The following LRP1B variants were observed in gnomAD, a reference collection of about 807,000 sequenced individuals.
LRP1B encodes low-density lipoprotein receptor-related protein 1B.
LRP1B carries 217 observed loss-of-function variants against 556.6 expected under a neutral mutation model. The observed-to-expected ratio is 0.39, with a 90% CI of 0.35 to 0.44. LRP1B has a LOEUF of 0.44. LRP1B is among the 20% of genes least tolerant of loss of function. The probability of loss-of-function intolerance (pLI) is 1.00; values close to 1 mark genes in which losing one functional copy is unlikely to be tolerated. For missense variants in LRP1B, 5,053 were observed against 5,620.8 expected (o/e 0.90, Z 3.23); for synonymous variants, 2,047 against 1,865.8 (o/e 1.10, Z -2.50).
intron 35 of LRP1B, among the ~76,000 whole-genome samples, chr2:140,735,592 A>G (rs1167855402): frequency 6.6e-6 from 1 of 152,126 alleles, no homozygotes; most frequent in Non-Finnish European, 1.5e-5. Flanking sequence ...ATCTGGATGT[A>G]TGTCTTTGAG....
intron 2 of LRP1B, among the ~76,000 whole-genome samples, chr2:141,629,820 T>C (rs1408275103): frequency 1.3e-5 from 2 of 152,126 alleles, no homozygotes; most frequent in Admixed American, 6.6e-5. Flanking sequence ...TTTCTTCTTA[T>C]AGACAATCCA....
At chr2:141,763,762 A>T (rs1363665535) in intron 2 of LRP1B, among the ~76,000 whole-genome samples, 1 of 152,210 alleles carries the variant, frequency 6.6e-6, no homozygotes, top group Non-Finnish European at 1.5e-5. Flanking sequence ...TTGCAAAAGT[A>T]ACATTTTAAA....
chr2:141,015,588 C>T (rs2105388553), intron 13 of LRP1B, 108 bp downstream of exon 13: 2 of 885,286 alleles, frequency 2.3e-6, no homozygotes, highest in East Asian at 5.3e-5. Flanking sequence ...TATTGGCAGC[C>T]ACCTCAGAGG....
intron 55 of LRP1B, among the ~76,000 whole-genome samples, chr2:140,496,129 G>C (rs977863518): frequency 3.9e-5 from 6 of 152,014 alleles, no homozygotes; most frequent in Non-Finnish European, 5.9e-5. Flanking sequence ...TCCTTACATG[G>C]AGTTTTGAAA....
At chr2:141,883,767 G>A (rs1481048183) in intron 1 of LRP1B, among the ~76,000 whole-genome samples, 1 of 151,974 alleles carries the variant, frequency 6.6e-6, no homozygotes, top group African/African-American at 2.4e-5. Flanking sequence ...ATGATGATAT[G>A]ATGAAACAAA....
intron 86 of LRP1B, among the ~76,000 whole-genome samples, chr2:140,259,429 A>G (rs551121986): frequency 6.6e-6 from 1 of 152,076 alleles, no homozygotes; most frequent in Non-Finnish European, 1.5e-5. Flanking sequence ...ACATCATATA[A>G]CAGTTTTAGA....
At chr2:141,790,932 G>T (rs950894018) in intron 2 of LRP1B, among the ~76,000 whole-genome samples, 13 of 151,946 alleles carry the variant, frequency 8.6e-5, no homozygotes, top group African/African-American at 2.9e-4. Context: ...ACAAATAGAT[G>T]TTAAAGTTAA....
At chr2:141,183,805 C>T (rs772994566) in intron 7 of LRP1B, among the ~76,000 whole-genome samples, 3 of 152,008 alleles carry the variant, frequency 2.0e-5, no homozygotes, top group African/African-American at 7.2e-5. Flanking sequence ...AATGGTACCC[C>T]AAGTTCCCCA....
At chr2:141,251,480 G>A (rs531852552) in intron 4 of LRP1B, among the ~76,000 whole-genome samples, 159 of 152,198 alleles carry the variant, frequency 1.0e-3, no homozygotes, top group African/African-American at 3.8e-3. Context: ...TTTGTTGTGA[G>A]TATTTCTAGT....
chr2:140,505,193 G>A (rs1278429761), intron 53 of LRP1B, among the ~76,000 whole-genome samples: 4 of 152,124 alleles, frequency 2.6e-5, no homozygotes, highest in Non-Finnish European at 5.9e-5. Context: ...TTAATTCTCT[G>A]AACAGTCCTA....
intron 6 of LRP1B, among the ~76,000 whole-genome samples, chr2:141,191,976 C>T (rs979363777): frequency 2.6e-5 from 4 of 151,904 alleles, no homozygotes; most frequent in African/African-American, 9.7e-5. Context: ...TACCTTCTCT[C>T]AACTCTTTAT....
At chr2:140,920,738 A>G (rs1694713740) in intron 21 of LRP1B, among the ~76,000 whole-genome samples, 1 of 152,032 alleles carries the variant, frequency 6.6e-6, no homozygotes, top group Non-Finnish European at 1.5e-5. Flanking sequence ...AAGCAGATGG[A>G]TAAATTATTA....
At chr2:141,093,752 T>C (rs1325085044) in intron 7 of LRP1B, among the ~76,000 whole-genome samples, 1 of 152,070 alleles carries the variant, frequency 6.6e-6, no homozygotes, top group Non-Finnish European at 1.5e-5. Context: ...AGTTGCTTTG[T>C]CGTCCAGGCT....
At position 140,743,844 on chromosome 2, in the gene LRP1B, C is replaced by A. The variant is rs546071438; in HGVS notation, c.5758+25369G>T. 2.0e-4 allele frequency among the ~76,000 whole-genome samples: 30 copies of A among 150,950 alleles called. 1 individual carries two copies. The highest frequency in any genetic ancestry group is 5.8e-4 in the African/African-American group (24 of 41,198). ...GCGTGGTGGCGGGTGCCTGTAGTCA[C>A]CCGCTGTAACTACTCGGGAGGCTGA... On this transcript the variant is annotated intron_variant, in intron 35 of 90. Coordinates refer to ENST00000389484, the MANE Select transcript of LRP1B (RefSeq NM_018557.3).
chr2:141,805,004 T>C (rs1696125241), intron 2 of LRP1B, among the ~76,000 whole-genome samples: 2 of 152,026 alleles, frequency 1.3e-5, no homozygotes, highest in African/African-American at 2.4e-5. Flanking sequence ...CTGCCCAATA[T>C]CTCTTCTCCC....
intron 3 of LRP1B, among the ~76,000 whole-genome samples, chr2:141,332,717 T>C (rs1024376380): frequency 1.1e-5 from 1 of 92,066 alleles, no homozygotes; most frequent in Non-Finnish European, 2.3e-5. Flanking sequence ...TGTTTTGCCT[T>C]ATTTTTTTAT....
intron 3 of LRP1B, among the ~76,000 whole-genome samples, chr2:141,449,553 A>T (rs762290622): frequency 6.6e-6 from 1 of 152,064 alleles, no homozygotes; most frequent in Non-Finnish European, 1.5e-5. Context: ...CCGTCCCTAC[A>T]TATTCTAATT....
At chr2:140,780,697 A>C (rs1384836005) in intron 32 of LRP1B, among the ~76,000 whole-genome samples, 1 of 152,210 alleles carries the variant, frequency 6.6e-6, no homozygotes, top group East Asian at 1.9e-4. Context: ...CATTCAGCCA[A>C]GTATTTTATT....
chr2:140,335,828 A>G lies in LRP1B; in HGVS notation c.11903T>C (p.Phe3968Ser). The G allele has an allele frequency of 6.2e-7, 1 of 1,606,486 alleles. No individual in the cohort carries two copies. ...QANSGLICPE[F>S]KRPRDIAVDW... The stretch of plus-strand genomic sequence containing the variant: ...AACTGCAATGTCCCTGGGCCTTTTA[A>G]ATTCAGGACACTACAAGGAAACAAA... The change falls in exon 78 of 91, where the codon TTT (phenylalanine) becomes TCT (serine). Residue 3968 changes from phenylalanine to serine, a missense_variant. By Grantham distance (155) the Phe-to-Ser change is radical. This residue lies in a region of LRP1B where 599 missense variants were observed against 648.4 expected (regional missense o/e 0.92). Coordinates refer to ENST00000389484, the MANE Select transcript of LRP1B (RefSeq NM_018557.3).
Sources: gnomAD v4.1 joint callset for allele counts (sites outside exome capture counted in the v4.1 genomes callset) on GRCh38, gnomAD v4.1.1 for gene constraint, gnomAD v4.1.1 regional missense constraint, MANE v1.5 for transcripts, NCBI Gene and HGNC (gene_info 2026-07-23, HGNC 2026-07-21) for gene names.